Variants in GRID2 observed in about 807,000 individuals in gnomAD.
GRID2 encodes the protein glutamate ionotropic receptor delta type subunit 2.
In GRID2, 33 loss-of-function variants were observed where a neutral mutation model predicts 114.8. That is an observed-to-expected ratio of 0.29 (90% CI 0.22 to 0.38). The LOEUF is 0.38. Among genes scored for constraint, GRID2 ranks in the 10% least tolerant of loss-of-function variants. GRID2 has a pLI of 1.00. For missense variants in GRID2, 1,184 were observed against 1,257.7 expected, an observed-to-expected ratio of 0.94 and a Z score of 0.89; for synonymous variants, 505 against 449.9, an observed-to-expected ratio of 1.12 and a Z score of -1.55.
chr4:92,966,619 T>C (rs1291723884), intron 2 of GRID2, among the ~76,000 whole-genome samples: 1 of 151,910 alleles, frequency 6.6e-6, no homozygotes, highest in African/African-American at 2.4e-5. Flanking sequence ...TCACAAGATC[T>C]GATGTTTTCA....
In GRID2 at chr4:92,967,070, CCCACTTTATATGTACTCT is replaced by C. The variant is rs528660692; in HGVS notation, c.245-117918_245-117901del. 1.9e-3 allele frequency among the ~76,000 whole-genome samples: 289 copies of C among 151,946 alleles called. 1 individual carries two copies. The highest frequency in any genetic ancestry group is 6.7e-3 in the African/African-American group (278 of 41,482). On this transcript the variant is annotated intron_variant, in intron 2 of 15. Coordinates refer to ENST00000282020, the MANE Select transcript of GRID2 (RefSeq NM_001510.4). ...CCTAGGCAGCCTAATTACAAGTGTA[CCCACTTTATATGTACTCT>C]CCACTTAAGGCAACAAACTGATAAG...
chr4:93,659,208 C>T (rs113324432), intron 14 of GRID2, among the ~76,000 whole-genome samples: 1 of 151,116 alleles, frequency 6.6e-6, no homozygotes, highest in African/African-American at 2.4e-5. Flanking sequence ...GGCCATATGA[C>T]ATCCCAAAGT....
chr4:93,084,843 A>G, intron 2 of GRID2, 152 bp from the exon 3 acceptor site: 2 of 615,142 alleles, frequency 3.3e-6, no homozygotes, highest in Non-Finnish European at 5.7e-6. Flanking sequence ...GTGCTTTGTA[A>G]TTTGAGGATC....
chr4:93,698,210 G>T (rs1727213432), intron 14 of GRID2, among the ~76,000 whole-genome samples: 1 of 151,952 alleles, frequency 6.6e-6, no homozygotes, highest in East Asian at 1.9e-4. Context: ...AATTCCAAAT[G>T]CGTGTCTGTT....
intron 11 of GRID2, among the ~76,000 whole-genome samples, chr4:93,475,805 G>T (rs1725266828): frequency 6.6e-6 from 1 of 152,042 alleles, no homozygotes; most frequent in Non-Finnish European, 1.5e-5. Context: ...TGAAAAATGG[G>T]GTTGCTAATG....
At chr4:93,542,835 T>A (rs1252671096) in intron 13 of GRID2, among the ~76,000 whole-genome samples, 1 of 152,186 alleles carries the variant, frequency 6.6e-6, no homozygotes, top group African/African-American at 2.4e-5. Flanking sequence ...TGGTAAAATT[T>A]AAATTCCTCT....
intron 13 of GRID2, among the ~76,000 whole-genome samples, chr4:93,572,305 C>T (rs1408112737): frequency 6.6e-6 from 1 of 152,110 alleles, no homozygotes; most frequent in East Asian, 1.9e-4. Flanking sequence ...TTCATTTAGC[C>T]TATCAAGGTG....
At chr4:92,338,795 A>G (rs1727324478) in intron 1 of GRID2, among the ~76,000 whole-genome samples, 2 of 152,160 alleles carry the variant, frequency 1.3e-5, no homozygotes, top group African/African-American at 4.8e-5. Context: ...GTTCATAAAC[A>G]TTATTTAAAA....
At chr4:92,678,912 A>G (rs1463459739) in intron 2 of GRID2, among the ~76,000 whole-genome samples, 1 of 151,810 alleles carries the variant, frequency 6.6e-6, no homozygotes, top group East Asian at 1.9e-4. Flanking sequence ...GTCAAATCCC[A>G]TAAAATGAGT....
At position 92,449,433 on chromosome 4, in the gene GRID2, T is replaced by C. The variant is rs77684074; in HGVS notation, c.89-140698T>C. Among the ~76,000 whole-genome samples, 1,387 of 151,806 alleles carry C rather than the reference T, an allele frequency of 9.1e-3. 21 individuals carry two copies. Among genetic ancestry groups the C allele is most frequent in the African/African-American group, 0.032 (1,325 of 41,464 alleles). On this transcript the variant is annotated intron_variant, in intron 1 of 15. Coordinates refer to ENST00000282020, the MANE Select transcript of GRID2 (RefSeq NM_001510.4). The stretch of plus-strand genomic sequence containing the variant: ...TCAGATCCATGTGAAATACAAATTA[T>C]TGTATTAGTGGAGATGAGTTGAAAA...
chr4:92,449,620 AATT>A (rs1720779342), intron 1 of GRID2, among the ~76,000 whole-genome samples: 2 of 145,856 alleles, frequency 1.4e-5, no homozygotes, highest in African/African-American at 2.5e-5. Flanking sequence ...TAATTTTACT[AATT>A]ATACTCAAGT....
chr4:92,934,195 C>T, intron 2 of GRID2, among the ~76,000 whole-genome samples: 1 of 151,698 alleles, frequency 6.6e-6, no homozygotes, highest in Middle Eastern at 3.4e-3. Context: ...TCTTTGTATC[C>T]TCTTTTATTT....
In GRID2 at chr4:92,936,036, A is replaced by C. The variant is rs1176362741; in HGVS notation, c.245-148959A>C. On this transcript the variant is annotated intron_variant, in intron 2 of 15. Coordinates refer to ENST00000282020, the MANE Select transcript of GRID2 (RefSeq NM_001510.4). Reference sequence around the variant, plus strand: ...TGTACCCTAAAACTTAAAGTATAATAATAATAAAATAAAAAAAAGAAATTT... The same window carrying C: ...TGTACCCTAAAACTTAAAGTATAATCATAATAAAATAAAAAAAAGAAATTT... 1.4e-5 allele frequency among the ~76,000 whole-genome samples: 2 copies of C among 146,476 alleles called. 1 individual carries two copies. The highest frequency in any genetic ancestry group is 3.0e-5 in the Non-Finnish European group (2 of 66,222).
intron 1 of GRID2, among the ~76,000 whole-genome samples, chr4:93,787,424 A>G (rs1163965694): frequency 1.3e-5 from 2 of 152,130 alleles, no homozygotes; most frequent in Non-Finnish European, 2.9e-5. Context: ...CAAGGATAAT[A>G]AGCAAGGTTC....
At chr4:93,678,918 C>G (rs1457351300) in intron 14 of GRID2, among the ~76,000 whole-genome samples, 2 of 148,380 alleles carry the variant, frequency 1.3e-5, no homozygotes, top group African/African-American at 5.1e-5. Context: ...ATCAAATTCA[C>G]ACATAACAAT....
rs538662878 is a variant in GRID2, at chr4:92,544,731, C to T, written c.89-45400C>T. Among the ~76,000 whole-genome samples the T allele has an allele frequency of 2.2e-4, 34 of 152,152 alleles. No homozygotes were observed. The South Asian group carries it at 6.4e-3, about 29-fold the overall frequency. ...TCAGTTTTTTAATTTATCTATTTTC[C>T]ATTAACTTTCAGTAACCAATATTAT... On this transcript the variant is annotated intron_variant, in intron 1 of 15. Coordinates refer to ENST00000282020, the MANE Select transcript of GRID2 (RefSeq NM_001510.4).
chr4:92,946,242 A>G (rs1286547712), intron 2 of GRID2, among the ~76,000 whole-genome samples: 1 of 152,068 alleles, frequency 6.6e-6, no homozygotes, highest in Non-Finnish European at 1.5e-5. Context: ...TTTTTCTTAC[A>G]ATATATACCT....
intron 9 of GRID2, among the ~76,000 whole-genome samples, chr4:93,409,568 A>G (rs1179959510): frequency 6.6e-6 from 1 of 152,176 alleles, no homozygotes; most frequent in Non-Finnish European, 1.5e-5. Context: ...TTTTAGGTAT[A>G]GTAGAAAGAG....
intron 14 of GRID2, among the ~76,000 whole-genome samples, chr4:93,682,123 T>C (rs549497687): frequency 1.3e-4 from 19 of 151,036 alleles, no homozygotes; most frequent in African/African-American, 4.2e-4. Flanking sequence ...GGGCAAAGGA[T>C]ATGAACAGAC....
Sources: gnomAD v4.1 joint callset for allele counts (sites outside exome capture counted in the v4.1 genomes callset) on GRCh38, gnomAD v4.1.1 for gene constraint, MANE v1.5 for transcripts, NCBI Gene and HGNC (gene_info 2026-07-23, HGNC 2026-07-21) for gene names.